Variants in MAP3K13 observed in about 807,000 individuals in gnomAD.
The protein encoded by MAP3K13 is leucine zipper-bearing kinase.
MAP3K13 carries 52 observed loss-of-function variants against 104.0 expected under a neutral mutation model. The ratio of observed to expected loss-of-function variants is 0.50; its 90% confidence interval spans 0.40 to 0.63. The LOEUF is 0.63. MAP3K13 is among the 20% of genes least tolerant of loss of function. The pLI, the probability that MAP3K13 is intolerant of heterozygous loss-of-function variation, is 0.00. For missense variants in MAP3K13, 914 were observed against 1,218.5 expected (o/e 0.75, Z 3.72); for synonymous variants, 394 against 442.2 (o/e 0.89, Z 1.37).
At chr3:185,284,533 T>C (rs1389029365) in intron 1 of MAP3K13, among the ~76,000 whole-genome samples, 3 of 151,960 alleles carry the variant, frequency 2.0e-5, no homozygotes, top group Non-Finnish European at 4.4e-5. Context: ...CTGGCCAACA[T>C]GGTGAAACCC....
In MAP3K13 at chr3:185,443,412, G is replaced by A. The variant is rs1467546154; in HGVS notation, c.660-33G>A. On this transcript the variant is annotated intron_variant, in intron 3 of 13. Coordinates refer to ENST00000265026, the MANE Select transcript of MAP3K13 (RefSeq NM_004721.5). ...TATACATATGTATACTTGTATGTGTGTATTGATGTACATGTTTATGTTTTC... is the reference window on the plus strand; with the variant it reads ...TATACATATGTATACTTGTATGTGTATATTGATGTACATGTTTATGTTTTC... The A allele has an allele frequency of 2.0e-6, 3 of 1,472,872 alleles. No homozygotes were observed. In the East Asian group the frequency reaches 6.8e-5, roughly 34 times the overall value. The allele number at this position is 1,472,872 out of a possible 1,614,324, so 91.2% of individuals were successfully genotyped here.
chr3:185,313,460 G>A (rs1332539013), intron 2 of MAP3K13, among the ~76,000 whole-genome samples: 1 of 151,692 alleles, frequency 6.6e-6, no homozygotes, highest in Admixed American at 6.6e-5. Context: ...TAGCAGAGAC[G>A]GAGTTTCGCT....
intron 2 of MAP3K13, among the ~76,000 whole-genome samples, chr3:185,290,335 C>T (rs1311722429): frequency 6.6e-6 from 1 of 152,198 alleles, no homozygotes; most frequent in Non-Finnish European, 1.5e-5. Context: ...TCCTTTATCA[C>T]TATAATATTT....
At chr3:185,397,748 G>A (rs190369690) in intron 1 of MAP3K13, among the ~76,000 whole-genome samples, 1 of 152,052 alleles carries the variant, frequency 6.6e-6, no homozygotes, top group African/African-American at 2.4e-5. Context: ...CTTATTGTTA[G>A]AAGAGACACA....
intron 7 of MAP3K13, among the ~76,000 whole-genome samples, chr3:185,455,713 TGA>T (rs1716633538): frequency 1.6e-4 from 2 of 12,838 alleles, no homozygotes. Flanking sequence ...GAGATATATA[TGA>T]GATATATATG....
intron 2 of MAP3K13, among the ~76,000 whole-genome samples, chr3:185,348,723 C>T (rs1053074362): frequency 6.6e-6 from 1 of 152,114 alleles, no homozygotes; most frequent in Non-Finnish European, 1.5e-5. Flanking sequence ...TCGAGACCAT[C>T]CTGGCCAACA....
intron 2 of MAP3K13, chr3:185,292,635 A>G: frequency 1.0e-6 from 1 of 984,888 alleles, no homozygotes; most frequent in Non-Finnish European, 1.2e-6. Flanking sequence ...GGGTCCTGTT[A>G]CACAGTTGGA....
intron 1 of MAP3K13, among the ~76,000 whole-genome samples, chr3:185,404,830 CCTCGG>C (rs1183784024): frequency 5.3e-5 from 8 of 152,196 alleles, no homozygotes; most frequent in African/African-American, 1.9e-4. Flanking sequence ...GCCCGCCTCG[CCTCGG>C]CCTCCCAAAG....
intron 2 of MAP3K13, among the ~76,000 whole-genome samples, chr3:185,309,623 A>G (rs1344196140): frequency 6.6e-6 from 1 of 152,234 alleles, no homozygotes; most frequent in Non-Finnish European, 1.5e-5. Flanking sequence ...TGCCTAAATT[A>G]TCAGCTATTC....
chr3:185,321,912 G>C (rs1004838593), intron 2 of MAP3K13, among the ~76,000 whole-genome samples: 10 of 152,156 alleles, frequency 6.6e-5, no homozygotes, highest in African/African-American at 2.4e-4. Flanking sequence ...CCGTGACTGA[G>C]TTTTAATAGC....
At chr3:185,296,994 TTGACTTA>T (rs1484119042) in intron 2 of MAP3K13, among the ~76,000 whole-genome samples, 1 of 152,154 alleles carries the variant, frequency 6.6e-6, no homozygotes, top group African/African-American at 2.4e-5. Flanking sequence ...TGTTATAAAT[TTGACTTA>T]TTAGAGAGTT....
chr3:185,441,674 G>A (rs1051175437), intron 3 of MAP3K13, among the ~76,000 whole-genome samples: 7 of 151,722 alleles, frequency 4.6e-5, no homozygotes, highest in South Asian at 2.1e-4. Flanking sequence ...AGGCCAAGAC[G>A]GGTGGATCAC....
intron 2 of MAP3K13, among the ~76,000 whole-genome samples, chr3:185,316,804 G>A (rs1371711726): frequency 6.6e-6 from 1 of 152,096 alleles, no homozygotes; most frequent in South Asian, 2.1e-4. Context: ...TCAAGATTGC[G>A]GTTATATGTG....
At chr3:185,429,798 G>A (rs1231593133) in intron 2 of MAP3K13, among the ~76,000 whole-genome samples, 1 of 152,080 alleles carries the variant, frequency 6.6e-6, no homozygotes, top group African/African-American at 2.4e-5. Context: ...GTAAAAAGGA[G>A]TTATTTTCTT....
chr3:185,376,134 T>C (rs918970955), intron 1 of MAP3K13, among the ~76,000 whole-genome samples: 5 of 152,014 alleles, frequency 3.3e-5, no homozygotes, highest in Non-Finnish European at 1.5e-5. Flanking sequence ...ATGGAGTGGA[T>C]GTCAGGTGGA....
Position 185,428,781 on chromosome 3 carries a change from C to G in MAP3K13, c.200C>G (p.Thr67Arg). 1 of 1,614,148 alleles carries G rather than the reference C, an allele frequency of 6.2e-7. No individual in the cohort carries two copies. The highest frequency in any genetic ancestry group is 8.5e-7 in the Non-Finnish European group (1 of 1,180,016). ...AGCGTGCACAGCCCCGTCACCACAA[C>G]AGTGTTGACGAGCGTAAGTGAGGAT... is the stretch of plus-strand genomic sequence containing the variant. ...IESVHSPVTT[T>R]VLTSVSEDSR... The change falls in exon 2 of 14, where the codon ACA (threonine) becomes AGA (arginine). Residue 67 changes from threonine (T) to arginine (R), a missense_variant. Physicochemically the swap from Thr to Arg is moderately conservative, Grantham distance 71 (BLOSUM62 -1). Coordinates refer to ENST00000265026, the MANE Select transcript of MAP3K13 (RefSeq NM_004721.5).
At chr3:185,300,121 C>T (rs1011802036) in intron 2 of MAP3K13, among the ~76,000 whole-genome samples, 1 of 151,648 alleles carries the variant, frequency 6.6e-6, no homozygotes, top group South Asian at 2.1e-4. Flanking sequence ...GTGGCTGGTT[C>T]GTTTCACTTA....
chr3:185,310,569 A>G (rs909254184), intron 2 of MAP3K13, among the ~76,000 whole-genome samples: 1 of 152,184 alleles, frequency 6.6e-6, no homozygotes, highest in Non-Finnish European at 1.5e-5. Context: ...AGTCATATGG[A>G]CACACTAAAA....
intron 1 of MAP3K13, among the ~76,000 whole-genome samples, chr3:185,402,230 G>A (rs1484622863): frequency 6.6e-6 from 1 of 151,946 alleles, no homozygotes; most frequent in African/African-American, 2.4e-5. Context: ...CCTCATTCTG[G>A]GTATATCAAT....
Sources: gnomAD v4.1 joint callset for allele counts (sites outside exome capture counted in the v4.1 genomes callset) on GRCh38, gnomAD v4.1.1 for gene constraint, MANE v1.5 for transcripts, NCBI Gene and HGNC (gene_info 2026-07-23, HGNC 2026-07-21) for gene names.